Variants in FAR2 observed in about 807,000 individuals in gnomAD.
FAR2 encodes the protein fatty acyl-CoA reductase 2.
Under a neutral mutation model 56.0 loss-of-function variants are expected in FAR2, and 19 were observed. The observed-to-expected ratio is 0.34, with a 90% CI of 0.24 to 0.50. The LOEUF is 0.50. Among genes scored for constraint, FAR2 ranks in the 20% least tolerant of loss-of-function variants. The pLI is 0.98. For synonymous variants in FAR2, 219 were observed against 218.8 expected (o/e 1.00, Z -0.01); for missense variants, 508 against 642.2 (o/e 0.79, Z 2.26).
intron 3 of FAR2, among the ~76,000 whole-genome samples, chr12:29,294,693 T>C (rs940096690): frequency 6.6e-6 from 1 of 152,226 alleles, no homozygotes; most frequent in African/African-American, 2.4e-5. Context: ...ATTTTAACAA[T>C]TTATCAAATG....
At chr12:29,326,298 T>A (rs1454192851) in intron 10 of FAR2, among the ~76,000 whole-genome samples, 6 of 152,176 alleles carry the variant, frequency 3.9e-5, no homozygotes, top group South Asian at 2.1e-4. Context: ...ACCAGATGGA[T>A]TCACAGCCGA....
chr12:29,276,289 C>CA (rs1400518976), intron 2 of FAR2, among the ~76,000 whole-genome samples: 2 of 151,734 alleles, frequency 1.3e-5, no homozygotes, highest in African/African-American at 2.4e-5. Flanking sequence ...TAAGTTATGC[C>CA]AAAAAAAGAA....
intron 1 of FAR2, among the ~76,000 whole-genome samples, chr12:29,219,798 G>A (rs975104851): frequency 3.3e-5 from 5 of 151,988 alleles, no homozygotes; most frequent in African/African-American, 9.7e-5. Flanking sequence ...TGATATCATC[G>A]TTTTCCTTTA....
chr12:29,185,513 T>C lies in FAR2; in HGVS notation c.-39+36106T>C, dbSNP rs574287201. Among the ~76,000 whole-genome samples the C allele has an allele frequency of 1.1e-3, 169 of 152,310 alleles. 4 individuals carry two copies. The South Asian group carries it at 0.034, about 31-fold the overall frequency. On this transcript the variant is annotated intron_variant, in intron 1 of 11. Coordinates refer to ENST00000536681, the MANE Select transcript of FAR2 (RefSeq NM_001271783.2). ...CATTATACCGGGTGAACAACAAGAA[T>C]GATTTTGTAGTTCAGCCCTCAATAA...
rs1948073457 is a variant in FAR2, at chr12:29,243,608, G to A, written c.-38-26804G>A. Among the ~76,000 whole-genome samples, 9 of 152,228 alleles carry A rather than the reference G, an allele frequency of 5.9e-5. No homozygotes were observed. In the South Asian group the frequency reaches 1.9e-3, roughly 32 times the overall value. ...AGTCTTGGATTAGAAATGGGCAGAT[G>A]TGGAGAAGCTCAGGTTATGTTGATA... is the stretch of plus-strand genomic sequence containing the variant. On this transcript the variant is annotated intron_variant, in intron 1 of 11. Coordinates refer to ENST00000536681, the MANE Select transcript of FAR2 (RefSeq NM_001271783.2).
At chr12:29,164,270 G>T (rs987630353) in intron 1 of FAR2, among the ~76,000 whole-genome samples, 3 of 152,220 alleles carry the variant, frequency 2.0e-5, no homozygotes, top group Non-Finnish European at 4.4e-5. Context: ...ACGAGGCCTT[G>T]ATGAGGCAGT....
intron 2 of FAR2, among the ~76,000 whole-genome samples, chr12:29,291,794 T>C (rs73063636): frequency 0.066 from 10,040 of 152,250 alleles, 1,046 homozygotes; most frequent in African/African-American, 0.22. Flanking sequence ...TTTTAGAAGC[T>C]ATAGGGGTAT....
rs752629745 is a variant in FAR2 at position 29,309,228 on chromosome 12, G to A, written c.766G>A (p.Ala256Thr). The change falls in exon 6 of 12, where the codon GCG becomes ACG. Residue 256 changes from alanine to threonine, a missense_variant and splice_region_variant. Transcript: ENST00000536681. ...NINGPNGIII[A>T]TGKGFLRAIK... ...AAATGGACCTAATGGAATCATTATT[G>A]CGGTATGTATAATGATGAAGAAATA... 2 of 1,596,934 alleles carry A rather than the reference G, an allele frequency of 1.3e-6. No homozygotes were observed. Among genetic ancestry groups the A allele is most frequent in the Non-Finnish European group, 1.7e-6 (2 of 1,166,512 alleles).
chr12:29,168,582 C>T (rs1012859954), intron 1 of FAR2, among the ~76,000 whole-genome samples: 3 of 152,308 alleles, frequency 2.0e-5, no homozygotes, highest in South Asian at 2.1e-4. Flanking sequence ...AGAATGAAGC[C>T]GCGGACCTTC....
At chr12:29,281,406 A>G (rs1478933783) in intron 2 of FAR2, 1 of 152,096 alleles carries the variant, frequency 6.6e-6, no homozygotes, top group African/African-American at 2.4e-5. Context: ...TCTGGGAGGA[A>G]CCTTCTTTTC....
intron 1 of FAR2, among the ~76,000 whole-genome samples, chr12:29,246,097 A>G (rs1352705764): frequency 6.6e-6 from 1 of 151,802 alleles, no homozygotes; most frequent in Non-Finnish European, 1.5e-5. Flanking sequence ...TTTAATATAT[A>G]CATCAAATTT....
At chr12:29,233,178 G>A (rs527987367) in intron 1 of FAR2, among the ~76,000 whole-genome samples, 13 of 151,926 alleles carry the variant, frequency 8.6e-5, no homozygotes, top group South Asian at 6.3e-4. Context: ...TCTTGCTACC[G>A]TCCCTATTTT....
intron 1 of FAR2, among the ~76,000 whole-genome samples, chr12:29,176,892 G>A (rs924619603): frequency 2.6e-5 from 4 of 152,194 alleles, no homozygotes; most frequent in Non-Finnish European, 1.5e-5. Flanking sequence ...CAAAGAAGAA[G>A]TGATGGCTTG....
intron 3 of FAR2, among the ~76,000 whole-genome samples, chr12:29,295,510 G>C (rs947288385): frequency 1.3e-5 from 2 of 152,076 alleles, no homozygotes; most frequent in African/African-American, 4.8e-5. Flanking sequence ...GAATACTTGG[G>C]AGTTTGATTA....
At chr12:29,287,086 C>A (rs749337826) in intron 2 of FAR2, among the ~76,000 whole-genome samples, 3 of 152,186 alleles carry the variant, frequency 2.0e-5, no homozygotes, top group Non-Finnish European at 4.4e-5. Flanking sequence ...CTTTCCAATA[C>A]ACCAATGGTT....
rs769364598 is a variant in FAR2 at position 29,270,427 on chromosome 12, G to C, written c.-23G>C. ...TCCTTTTCAGGAACCTCTTTCAGGA[G>C]CTATAAAAGAAAGGGAGGAATCATG... On this transcript the variant is annotated 5_prime_UTR_variant, in exon 2 of 12. Coordinates refer to ENST00000536681, the MANE Select transcript of FAR2 (RefSeq NM_001271783.2). 2.0e-6 allele frequency: 3 copies of C among 1,510,780 alleles called. No individual in the cohort carries two copies. The highest frequency in any genetic ancestry group is 1.3e-5 in the South Asian group (1 of 75,864). 93.6% of individuals were successfully genotyped at this position (1,510,780 alleles called of 1,614,324 possible).
chr12:29,193,320 G>A (rs1393510035), intron 1 of FAR2, among the ~76,000 whole-genome samples: 1 of 152,110 alleles, frequency 6.6e-6, no homozygotes, highest in East Asian at 1.9e-4. Context: ...TTGGGCAAAT[G>A]TTTAATAACA....
At chr12:29,233,440 C>T (rs753837168) in intron 1 of FAR2, among the ~76,000 whole-genome samples, 1 of 152,186 alleles carries the variant, frequency 6.6e-6, no homozygotes, top group East Asian at 1.9e-4. Flanking sequence ...ATTTTCAGCA[C>T]ATGACATCCA....
intron 1 of FAR2, among the ~76,000 whole-genome samples, chr12:29,174,273 C>G (rs962744197): frequency 1.3e-5 from 2 of 152,100 alleles, no homozygotes; most frequent in African/African-American, 4.8e-5. Flanking sequence ...GCCCCTCCCC[C>G]ACCACGATGG....
Sources: allele counts gnomAD v4.1 joint callset (sites outside exome capture counted in the v4.1 genomes callset), GRCh38; gene constraint gnomAD v4.1.1; transcripts MANE v1.5; gene names NCBI Gene and HGNC (gene_info 2026-07-23, HGNC 2026-07-21).